The following SLC7A5 variants were observed in gnomAD, a reference collection of about 807,000 sequenced individuals.
The protein encoded by SLC7A5 is solute carrier family 7 member 5, also known as large neutral amino acids transporter small subunit 1.
A neutral mutation model predicts 50.2 loss-of-function variants in SLC7A5; 23 were observed. The ratio of observed to expected loss-of-function variants is 0.46; its 90% CI spans 0.33 to 0.65. The LOEUF (loss-of-function observed/expected upper bound fraction) is 0.65. Among genes scored for constraint, SLC7A5 ranks in the 30% least tolerant of loss-of-function variants. SLC7A5 has a pLI of 0.02. For synonymous variants in SLC7A5, 393 were observed against 330.6 expected (o/e 1.19, Z -2.05); for missense variants, 578 against 684.4 (o/e 0.84, Z 1.73).
chr16:87,866,978 C>T (rs2055470044), intron 1 of SLC7A5, among the ~76,000 whole-genome samples: 1 of 151,866 alleles, frequency 6.6e-6, no homozygotes, highest in Non-Finnish European at 1.5e-5. Flanking sequence ...GTCACCCAGA[C>T]TGGAGTGCAG....
intron 1 of SLC7A5, among the ~76,000 whole-genome samples, chr16:87,859,480 T>C (rs892049325): frequency 7.2e-5 from 11 of 152,096 alleles, no homozygotes; most frequent in African/African-American, 2.4e-4. Context: ...AAAAATAAAA[T>C]TCTAAGCCCC....
intron 1 of SLC7A5, among the ~76,000 whole-genome samples, chr16:87,865,689 A>G (rs1165847532): frequency 6.6e-6 from 1 of 152,214 alleles, no homozygotes; most frequent in African/African-American, 2.4e-5. Flanking sequence ...CCTGGGTAAG[A>G]GCAAAACTCC....
chr16:87,838,065 T>C (rs1227118430), intron 6 of SLC7A5, 124 bp from the exon 7 acceptor site: 3 of 784,362 alleles, frequency 3.8e-6, no homozygotes, highest in Non-Finnish European at 6.5e-6. Flanking sequence ...CTGGCCACAG[T>C]GGGAACCAGG....
chr16:87,837,387 G>A (rs1382292181), intron 7 of SLC7A5: 8 of 196,226 alleles, frequency 4.1e-5, no homozygotes, highest in Admixed American at 5.3e-5. Flanking sequence ...CGGAAACTGT[G>A]AGATAATAAG....
At chr16:87,834,357 T>A in intron 9 of SLC7A5, 57 bp downstream of exon 9, 1 of 1,531,970 alleles carries the variant, frequency 6.5e-7, no homozygotes, top group Non-Finnish European at 8.8e-7. Flanking sequence ...GCCTCTCAAC[T>A]CCCTTCGCTG....
chr16:87,866,196 G>T (rs1332970313), intron 1 of SLC7A5, among the ~76,000 whole-genome samples: 4 of 152,056 alleles, frequency 2.6e-5, no homozygotes, highest in African/African-American at 9.7e-5. Context: ...CTGGGAACAT[G>T]GCAAAACCAT....
rs112629231 is a variant in SLC7A5 at position 87,859,248 on chromosome 16, G to C, written c.539-7399C>G. On this transcript the variant is annotated intron_variant, in intron 1 of 9. Transcript: ENST00000261622. ...GGGCCCTGCTCAGGCCTTCTGCAGA[G>C]GCCCTGGGCTCTTCCAGTTGACTCA... 7.7e-3 allele frequency among the ~76,000 whole-genome samples: 1,174 copies of C among 152,322 alleles called. 8 individuals carry two copies. The highest frequency in any genetic ancestry group is 0.027 in the African/African-American group (1,106 of 41,558).
chr16:87,852,187 G>A lies in SLC7A5; in HGVS notation c.539-338C>T, dbSNP rs961887963. ...GGTCACTGCCTCCAGAGACCCAGGT[G>A]AGCAAGGTGACCCTGCCACTTGGAA... On this transcript the variant is annotated intron_variant, in intron 1 of 9. Coordinates refer to ENST00000261622, the MANE Select transcript of SLC7A5 (RefSeq NM_003486.7). The surrounding 1 kb of genome is among the most constrained non-coding windows in gnomAD (Gnocchi z 4.5). Among the ~76,000 whole-genome samples, 10 of 152,162 alleles carry A rather than the reference G, an allele frequency of 6.6e-5. No individual in the cohort carries two copies. Among genetic ancestry groups the A allele is most frequent in the East Asian group, 3.9e-4 (2 of 5,186 alleles).
chr16:87,837,499 G>A (rs550709102), intron 7 of SLC7A5: 9 of 315,492 alleles, frequency 2.9e-5, no homozygotes, highest in South Asian at 1.8e-4. Flanking sequence ...CAGGAGAAGC[G>A]GAAGGAAACT....
At position 87,837,922 on chromosome 16, in the gene SLC7A5, G is replaced by T; in HGVS notation, c.1063C>A (p.Arg355=). The change falls in exon 7 of 10, where the codon CGG becomes AGG. Residue 355 remains arginine, a synonymous_variant. Transcript: ENST00000261622. ...TSSRLFFVGS[R]EGHLPSILSM... ...AGGATGGAGGGCAGGTGGCCTTCCC[G>T]GGACCCCACGAAGAAGAGCCTGTGG... 1 of 1,605,898 alleles carries T rather than the reference G, an allele frequency of 6.2e-7. No individual in the cohort carries two copies. Among genetic ancestry groups the T allele is most frequent in the Non-Finnish European group, 8.5e-7 (1 of 1,177,412 alleles).
rs768660500 is a variant in SLC7A5 at position 87,869,305 on chromosome 16, C to A, written c.118G>T (p.Glu40Ter). The A allele has an allele frequency of 1.2e-6, 2 of 1,611,140 alleles. No individual in the cohort carries two copies. The highest frequency in any genetic ancestry group is 1.7e-5 in the Admixed American group (1 of 59,992). ...KSADGSAPAG[E>*]GEGVTLQRNI... is the part of the protein sequence containing the mutation. ...CGCTGCAGGGTCACGCCCTCGCCCTCGCCTGCCGGCGCCGAGCCGTCCGCG... is the reference window on the plus strand; with the variant it reads ...CGCTGCAGGGTCACGCCCTCGCCCTAGCCTGCCGGCGCCGAGCCGTCCGCG... Residue 40 changes from glutamate (E) to a stop codon, truncating the protein, a stop_gained, in exon 1 of 10, where the codon GAG (glutamate) becomes TAG (stop). Transcript: ENST00000261622. LOFTEE classifies it high-confidence loss of function.
chr16:87,835,649 T>C (rs1391481481), intron 8 of SLC7A5, among the ~76,000 whole-genome samples: 2 of 152,178 alleles, frequency 1.3e-5, no homozygotes, highest in Non-Finnish European at 2.9e-5. Flanking sequence ...AATTTTTTTG[T>C]ATTTTTAGTA....
At chr16:87,848,283 G>A (rs889877405) in intron 2 of SLC7A5, among the ~76,000 whole-genome samples, 1 of 152,208 alleles carries the variant, frequency 6.6e-6, no homozygotes, top group East Asian at 1.9e-4. Flanking sequence ...TGCCGCTGAC[G>A]GCTGCAGCCC....
chr16:87,864,227 G>C lies in SLC7A5; in HGVS notation c.538+4658C>G, dbSNP rs552700608. 1.4e-3 allele frequency among the ~76,000 whole-genome samples: 208 copies of C among 151,526 alleles called. 1 individual carries two copies. Among genetic ancestry groups the C allele is most frequent in the African/African-American group, 4.6e-3 (189 of 41,324 alleles). ...CAGTCGCTTGAACCCAGGAGGCAGA[G>C]GTTGCAGTGAGCCGAGATCGTGCCA... On this transcript the variant is annotated intron_variant, in intron 1 of 9. Transcript: ENST00000261622.
Position 87,853,665 on chromosome 16 carries a change from C to T in SLC7A5, c.539-1816G>A, listed in dbSNP as rs900250412. Among the ~76,000 whole-genome samples, 7 of 152,114 alleles carry T rather than the reference C, an allele frequency of 4.6e-5. No individual in the cohort carries two copies. The highest frequency in any genetic ancestry group is 2.0e-4 in the Admixed American group (3 of 15,272). ...CATTTCCTTATGGTTGGGGGGAGCACGACCATAAAAGAAACTGAGCCTCGG... is the reference window on the plus strand; with the variant it reads ...CATTTCCTTATGGTTGGGGGGAGCATGACCATAAAAGAAACTGAGCCTCGG... On this transcript the variant is annotated intron_variant, in intron 1 of 9. Coordinates refer to ENST00000261622, the MANE Select transcript of SLC7A5 (RefSeq NM_003486.7). The surrounding 1 kb of genome is among the most constrained non-coding windows in gnomAD (Gnocchi z 4.4).
At chr16:87,851,361 G>C (rs544996140) in intron 2 of SLC7A5, among the ~76,000 whole-genome samples, 1 of 152,232 alleles carries the variant, frequency 6.6e-6, no homozygotes, top group Non-Finnish European at 1.5e-5. Context: ...GAGATGGCTC[G>C]GGTGAGGTCT....
Position 87,852,832 on chromosome 16 carries a change from C to A in SLC7A5, c.539-983G>T, listed in dbSNP as rs964330814. On this transcript the variant is annotated intron_variant, in intron 1 of 9. Transcript: ENST00000261622. This position sits in a 1 kb window ranked among gnomAD's most constrained non-coding sequence, Gnocchi z 4.5. ...GTGAGCTGGTGGGGAAACAGCCACC[C>A]CCACAACTTAAAATGAAGTAAAATC... 1.3e-5 allele frequency among the ~76,000 whole-genome samples: 2 copies of A among 152,020 alleles called. No homozygotes were observed. Among genetic ancestry groups the A allele is most frequent in the African/African-American group, 4.8e-5 (2 of 41,354 alleles).
rs556062580 is a variant in SLC7A5, at chr16:87,834,718, C to T, written c.1291-127G>A. 11 of 913,844 alleles carry T rather than the reference C, an allele frequency of 1.2e-5. No homozygotes were observed. The East Asian group carries it at 1.3e-4, about 11-fold the overall frequency. The allele number at this position is 913,844 out of a possible 1,614,324, so 56.6% of individuals were successfully genotyped here. A position where few individuals can be genotyped will look rare whatever the true frequency, so the allele number is the denominator to read the frequency against. On this transcript the variant is annotated intron_variant, in intron 8 of 9. Coordinates refer to ENST00000261622, the MANE Select transcript of SLC7A5 (RefSeq NM_003486.7). Reference sequence around the variant, plus strand: ...TGCTGACTTCCAGGTCACCAAGATGCGATCTGCACTCCATCTGCCTCACAC... The same window carrying T: ...TGCTGACTTCCAGGTCACCAAGATGTGATCTGCACTCCATCTGCCTCACAC...
intron 1 of SLC7A5, among the ~76,000 whole-genome samples, chr16:87,866,658 G>C (rs969634018): frequency 3.3e-5 from 5 of 152,076 alleles, no homozygotes; most frequent in Admixed American, 3.3e-4. Flanking sequence ...GTAGAGATGG[G>C]GTTTCACCAT....
Sources: allele counts gnomAD v4.1 joint callset (sites outside exome capture counted in the v4.1 genomes callset), GRCh38; gene constraint gnomAD v4.1.1; non-coding constraint Gnocchi (gnomAD v3.1); transcripts MANE v1.5; gene names NCBI Gene and HGNC (gene_info 2026-07-23, HGNC 2026-07-21).